PPP1R10: variants seen among roughly 807,000 people sequenced by gnomAD.
PPP1R10 encodes the protein protein phosphatase 1 regulatory subunit 10.
PPP1R10 carries 15 observed loss-of-function variants against 99.0 expected under a neutral mutation model. That is an observed-to-expected ratio of 0.15 (90% confidence interval 0.10 to 0.23). The LOEUF is 0.23. Among genes scored for constraint, PPP1R10 ranks in the 10% least tolerant of loss-of-function variants. The probability of loss-of-function intolerance (pLI) is 1.00; values close to 1 mark genes in which losing one functional copy is unlikely to be tolerated. For missense variants in PPP1R10, 947 were observed against 1,259.4 expected (o/e 0.75, Z 3.75); for synonymous variants, 430 against 449.5 (o/e 0.96, Z 0.55).
chr6:30,611,423 C>T (rs1804542196), intron 2 of PPP1R10, among the ~76,000 whole-genome samples: 6 of 152,208 alleles, frequency 3.9e-5, no homozygotes. Context: ...AAACCTTCCT[C>T]ATCCTACATC....
In PPP1R10 at chr6:30,606,887, A is replaced by G. The variant is rs777442984; in HGVS notation, c.383-31T>C. ...GGTGACAGAAAGGGGAAATGCCTAA[A>G]TAATGTAAAGTAACATTCTTCCAGG... On this transcript the variant is annotated intron_variant, in intron 6 of 19. Transcript: ENST00000376511. This position sits in a 1 kb window ranked among gnomAD's most constrained non-coding sequence, Gnocchi z 6.3. 1 of 1,563,410 alleles carries G rather than the reference A, an allele frequency of 6.4e-7. No individual in the cohort carries two copies. The highest frequency in any genetic ancestry group is 8.8e-7 in the Non-Finnish European group (1 of 1,135,432).
In PPP1R10 at chr6:30,608,872, C is replaced by T; in HGVS notation, c.237G>A (p.Leu79=). ...VGGYKLLNNW[L]TYSKTTNNIP... ...TGTTGTTGGTTGTCTTTGAATACGT[C>T]AGCCAATTGTTAAGAAGTTTGTAGC... The change falls in exon 5 of 20, where the codon CTG becomes CTA. Residue 79 remains leucine, a synonymous_variant. Coordinates refer to ENST00000376511, the MANE Select transcript of PPP1R10 (RefSeq NM_002714.4). 1 of 1,614,150 alleles carries T rather than the reference C, an allele frequency of 6.2e-7. No homozygotes were observed. Among genetic ancestry groups the T allele is most frequent in the Non-Finnish European group, 8.5e-7 (1 of 1,180,032 alleles).
At chr6:30,615,863 T>C (rs1357360421) in intron 2 of PPP1R10, among the ~76,000 whole-genome samples, 3 of 152,206 alleles carry the variant, frequency 2.0e-5, no homozygotes, top group East Asian at 3.8e-4. Context: ...TATTCCTAGA[T>C]TGCCACCTAT....
chr6:30,611,874 G>A (rs532937306), intron 2 of PPP1R10, among the ~76,000 whole-genome samples: 1 of 152,264 alleles, frequency 6.6e-6, no homozygotes, highest in African/African-American at 2.4e-5. Flanking sequence ...TTAGATGTCC[G>A]TGGGCCAAAT....
chr6:30,608,544 G>A (rs1364234334), intron 5 of PPP1R10, among the ~76,000 whole-genome samples: 2 of 151,792 alleles, frequency 1.3e-5, no homozygotes, highest in South Asian at 2.1e-4. Context: ...CTCATGATCC[G>A]CCCGCCTCAG....
rs748709256 is a variant in PPP1R10, at chr6:30,602,377, C to G, written c.2272G>C (p.Gly758Arg). 1 of 1,612,922 alleles carries G rather than the reference C, an allele frequency of 6.2e-7. No individual in the cohort carries two copies. Residue 758 changes from glycine to arginine, a missense_variant, in exon 19 of 20, where the codon GGT (glycine) becomes CGT (arginine). Transcript: ENST00000376511. This position sits in a 1 kb window ranked among gnomAD's most constrained non-coding sequence, Gnocchi z 6.7. ...GGGHRPHEGPGGGMGNSSGHR... is the reference protein window; with the variant it reads ...GGGHRPHEGPRGGMGNSSGHR... ...CCACTGCTGTTGCCCATGCCCCCAC[C>G]AGGGCCTTCGTGAGGACGATGCCCA...
intron 2 of PPP1R10, among the ~76,000 whole-genome samples, 185 bp downstream of exon 2, chr6:30,616,293 G>T (rs892800531): frequency 9.2e-5 from 14 of 152,172 alleles, no homozygotes; most frequent in Non-Finnish European, 2.1e-4. Flanking sequence ...AGGTGGTAGG[G>T]GAGAGAGAAC....
chr6:30,612,930 G>T (rs1179406339), intron 2 of PPP1R10, among the ~76,000 whole-genome samples: 2 of 152,140 alleles, frequency 1.3e-5, no homozygotes, highest in Non-Finnish European at 2.9e-5. Context: ...AAAGCTTTCT[G>T]GAACCACAAG....
chr6:30,607,076 G>A (rs1374062883), intron 6 of PPP1R10, among the ~76,000 whole-genome samples: 1 of 152,224 alleles, frequency 6.6e-6, no homozygotes, highest in African/African-American at 2.4e-5. Flanking sequence ...CAACTCTGAT[G>A]TCATCACACC....
rs1561830151 is a variant in PPP1R10, at chr6:30,602,827, C to A, written c.1957+19G>T. ...AATTAAGCAGATAAGCCCATTCCAA[C>A]CTTTTACTCACCACCTACCTGGCAT... On this transcript the variant is annotated intron_variant, in intron 18 of 19. Transcript: ENST00000376511. The surrounding 1 kb of genome is among the most constrained non-coding windows in gnomAD (Gnocchi z 6.7). 6.4e-7 allele frequency: 1 copy of A among 1,550,476 alleles called. No homozygotes were observed. The highest frequency in any genetic ancestry group is 8.7e-7 in the Non-Finnish European group (1 of 1,144,768).
At chr6:30,601,681 G>A in intron 19 of PPP1R10, 23 bp from the exon 20 acceptor site, 3 of 1,603,890 alleles carry the variant, frequency 1.9e-6, no homozygotes, top group Non-Finnish European at 2.6e-6. Context: ...TGGCAAAACA[G>A]TTAGACAGGA....
At chr6:30,603,383 G>A in intron 16 of PPP1R10, 89 bp downstream of exon 16, 1 of 1,580,118 alleles carries the variant, frequency 6.3e-7, no homozygotes, top group South Asian at 1.1e-5. Context: ...TAGATGTGGA[G>A]AACTGGGGTA....
chr6:30,602,685 T>TGGGGACCTGTAA lies in PPP1R10; in HGVS notation c.1958-6_1963dup (p.Pro654_His655insLeuThrGlyPro). The TGGGGACCTGTAA allele has an allele frequency of 6.2e-7, 1 of 1,604,670 alleles. No homozygotes were observed. On this transcript the variant is annotated inframe_insertion, in exon 19 of 20. Coordinates refer to ENST00000376511, the MANE Select transcript of PPP1R10 (RefSeq NM_002714.4). The surrounding 1 kb of genome is among the most constrained non-coding windows in gnomAD (Gnocchi z 6.7). The stretch of plus-strand genomic sequence containing the variant: ...ACCCACTGGCCCACCAGGGCCTCCA[T>TGGGGACCTGTAA]GGGGACCTGTAAGGGGACAAAAAAG...
In PPP1R10 at chr6:30,602,710, G is replaced by C. The variant is rs1803493171; in HGVS notation, c.1958-19C>G. ...TGGGGACCTGTAAGGGGACAAAAAAGAGAGACAGTATCAGCTACCAGGAAC... is the reference window on the plus strand; with the variant it reads ...TGGGGACCTGTAAGGGGACAAAAAACAGAGACAGTATCAGCTACCAGGAAC... On this transcript the variant is annotated intron_variant, in intron 18 of 19. Coordinates refer to ENST00000376511, the MANE Select transcript of PPP1R10 (RefSeq NM_002714.4). This position sits in a 1 kb window ranked among gnomAD's most constrained non-coding sequence, Gnocchi z 6.7. The C allele has an allele frequency of 1.2e-6, 2 of 1,603,946 alleles. No individual in the cohort carries two copies. Among genetic ancestry groups the C allele is most frequent in the South Asian group, 2.2e-5 (2 of 89,844 alleles).
Position 30,602,656 on chromosome 6 carries a change from G to A in PPP1R10, c.1993C>T (p.Arg665Cys), listed in dbSNP as rs770896327. 5.1e-5 allele frequency: 81 copies of A among 1,592,724 alleles called. 3 individuals are homozygous for A. In the South Asian group the frequency reaches 5.5e-4, roughly 11 times the overall value. Residue 665 changes from arginine (R) to cysteine (C), a missense_variant, in exon 19 of 20, where the codon CGT becomes TGT. Arg to Cys is a radical substitution (Grantham distance 180). Around this residue, in one of 10 missense-constraint regions of PPP1R10, gnomAD observed 525 missense variants for 578.8 expected, o/e 0.91. Transcript: ENST00000376511. The surrounding 1 kb of genome is among the most constrained non-coding windows in gnomAD (Gnocchi z 6.7). ...HGGPGGPVGPRLLGPPPPPRG... is the reference protein window; with the variant it reads ...HGGPGGPVGPCLLGPPPPPRG... ...GGAGGGGGTGGAGGACCCAGAAGAC[G>A]TGGACCCACTGGCCCACCAGGGCCT...
At chr6:30,605,865 A>AAAAAAAAAAAAAAAAAAAAAAC (rs1803884608) in intron 10 of PPP1R10, 58 bp downstream of exon 10, 1 of 1,466,070 alleles carries the variant, frequency 6.8e-7, no homozygotes, top group African/African-American at 1.4e-5. Flanking sequence ...GTCTCCAAAA[A>AAAAAAAAAAAAAAAAAAAAAAC]AAAAAAAAAA....
Position 30,609,278 on chromosome 6 carries a change from G to C in PPP1R10, c.108-115C>G. 10 of 902,642 alleles carry C rather than the reference G, an allele frequency of 1.1e-5. No homozygotes were observed. The highest frequency in any genetic ancestry group is 1.8e-5 in the Non-Finnish European group (10 of 569,074). 55.9% of individuals were successfully genotyped at this position (902,642 alleles called of 1,614,324 possible). On this transcript the variant is annotated intron_variant, in intron 3 of 19. Coordinates refer to ENST00000376511, the MANE Select transcript of PPP1R10 (RefSeq NM_002714.4). The surrounding 1 kb of genome is among the most constrained non-coding windows in gnomAD (Gnocchi z 4.5). Reference sequence around the variant, plus strand: ...TAATGACTTGGGACTTTGCTCCAGAGAAGGGGAGTCACATATACCTCTAGG... The same window carrying C: ...TAATGACTTGGGACTTTGCTCCAGACAAGGGGAGTCACATATACCTCTAGG...
intron 5 of PPP1R10, 127 bp from the exon 6 acceptor site, chr6:30,608,018 T>TC (rs1452692004): frequency 4.2e-6 from 4 of 963,840 alleles, no homozygotes; most frequent in Admixed American, 2.4e-5. Flanking sequence ...AGACGGAGTC[T>TC]CACTCTGTTG....
chr6:30,601,828 G>A lies in PPP1R10; in HGVS notation c.2713+108C>T, dbSNP rs540233702. 250 of 1,376,154 alleles carry A rather than the reference G, an allele frequency of 1.8e-4. 1 individual carries two copies. The highest frequency in any genetic ancestry group is 1.7e-3 in the Middle Eastern group (9 of 5,382). The allele number at this position is 1,376,154 out of a possible 1,614,324, so 85.2% of individuals were successfully genotyped here. ...ATGCATACTAGGACATCAAAGAGAC[G>A]GGTACCTCACGTTCTGCCTAGCTAC... On this transcript the variant is annotated intron_variant, in intron 19 of 19. Coordinates refer to ENST00000376511, the MANE Select transcript of PPP1R10 (RefSeq NM_002714.4).
Sources: allele counts gnomAD v4.1 joint callset (sites outside exome capture counted in the v4.1 genomes callset), GRCh38; gene constraint gnomAD v4.1.1; regional missense constraint gnomAD v4.1.1; non-coding constraint Gnocchi (gnomAD v3.1); transcripts MANE v1.5; gene names NCBI Gene and HGNC (gene_info 2026-07-23, HGNC 2026-07-21).